The following TFB1M variants were observed in gnomAD, a reference collection of about 807,000 sequenced individuals.
The protein encoded by TFB1M is transcription factor B1, mitochondrial.
Under a neutral mutation model 31.1 loss-of-function variants are expected in TFB1M, and 27 were observed. That is an observed-to-expected ratio of 0.87 (90% confidence interval 0.64 to 1.20). TFB1M has a LOEUF of 1.20. Among genes scored for constraint, TFB1M ranks in the 50% most tolerant of loss-of-function variants. TFB1M has a pLI of 0.00. For synonymous variants in TFB1M, 166 were observed against 151.8 expected (o/e 1.09, Z -0.69); for missense variants, 394 against 418.7 (o/e 0.94, Z 0.51).
In TFB1M at chr6:155,267,254, C is replaced by T. The variant is rs141235668; in HGVS notation, c.667-6854G>A. Among the ~76,000 whole-genome samples, 1,192 of 152,264 alleles carry T rather than the reference C, an allele frequency of 7.8e-3. 16 individuals are homozygous for T. Among genetic ancestry groups the T allele is most frequent in the African/African-American group, 0.026 (1,093 of 41,552 alleles). On this transcript the variant is annotated intron_variant, in intron 5 of 6. Coordinates refer to ENST00000367166, the MANE Select transcript of TFB1M (RefSeq NM_016020.4). ...CCTCCCAAAGTGTTGGGATTATGGGCATGAGCCACCACACCTGGCCGTAGA... is the reference window on the plus strand; with the variant it reads ...CCTCCCAAAGTGTTGGGATTATGGGTATGAGCCACCACACCTGGCCGTAGA...
intron 5 of TFB1M, among the ~76,000 whole-genome samples, chr6:155,283,811 G>A (rs546403126): frequency 4.9e-4 from 74 of 152,170 alleles, no homozygotes; most frequent in Non-Finnish European, 8.8e-4. Context: ...ACATGTGCAT[G>A]ACAAGAAGAA....
intron 5 of TFB1M, among the ~76,000 whole-genome samples, chr6:155,273,307 G>A (rs1399837462): frequency 6.6e-6 from 1 of 152,108 alleles, no homozygotes; most frequent in African/African-American, 2.4e-5. Context: ...AAATCCTAGG[G>A]AAATCCTTTT....
Position 155,285,180 on chromosome 6 carries a change from T to C in TFB1M, c.644A>G (p.Gln215Arg). Residue 215 changes from glutamine to arginine, a missense_variant, in exon 5 of 7, where the codon CAA (glutamine) becomes CGA (arginine). By Grantham distance (43) the Gln-to-Arg change is conservative. Coordinates refer to ENST00000367166, the MANE Select transcript of TFB1M (RefSeq NM_016020.4). ...TACCTCTGGTTTGGGGACAAAAGCTTGTCCTGGAATCGTAAAGATGTGTCG... is the reference window on the plus strand; with the variant it reads ...TACCTCTGGTTTGGGGACAAAAGCTCGTCCTGGAATCGTAAAGATGTGTCG... The part of the protein sequence containing the change: ...NVRHIFTIPG[Q>R]AFVPKPEVDV... 6.2e-7 allele frequency: 1 copy of C among 1,614,030 alleles called. No individual in the cohort carries two copies. The highest frequency in any genetic ancestry group is 1.1e-5 in the South Asian group (1 of 91,080).
intron 3 of TFB1M, 64 bp from the exon 4 acceptor site, chr6:155,297,168 T>G: frequency 6.5e-7 from 1 of 1,540,194 alleles, no homozygotes; most frequent in Non-Finnish European, 8.9e-7. Flanking sequence ...ACAATTTCAG[T>G]GACGAGTAAA....
intron 4 of TFB1M, among the ~76,000 whole-genome samples, chr6:155,288,801 A>C (rs1280295322): frequency 1.3e-5 from 2 of 152,236 alleles, no homozygotes; most frequent in African/African-American, 4.8e-5. Flanking sequence ...AAGCTCTACA[A>C]AAGATTTCAT....
the TFB1M span, among the ~76,000 whole-genome samples, chr6:155,230,056 A>G: frequency 1.3e-5 from 2 of 151,614 alleles, no homozygotes; most frequent in African/African-American, 4.8e-5. Context: ...GCCAAACCAT[A>G]TCACCAGGTG....
intron 5 of TFB1M, chr6:155,276,413 G>T (rs775885979): frequency 1.3e-6 from 2 of 1,567,708 alleles, no homozygotes; most frequent in Admixed American, 3.7e-5. Context: ...TGGAACTTTT[G>T]GGTGCCAAAT....
At chr6:155,236,065 C>G in the TFB1M span, among the ~76,000 whole-genome samples, 1 of 152,156 alleles carries the variant, frequency 6.6e-6, no homozygotes, top group African/African-American at 2.4e-5. Flanking sequence ...GCTTGTGGTG[C>G]AAATCCCAGT....
At chr6:155,248,004 A>C in the TFB1M span, 1 of 1,613,790 alleles carries the variant, frequency 6.2e-7, no homozygotes, top group Admixed American at 1.7e-5. Context: ...TTGTAGCTAA[A>C]ACTGACAAAG....
rs887184124 is a variant in TFB1M at position 155,257,732 on chromosome 6, T to C, written c.*104A>G. 9 of 1,391,766 alleles carry C rather than the reference T, an allele frequency of 6.5e-6. No individual in the cohort carries two copies. The highest frequency in any genetic ancestry group is 8.0e-6 in the Non-Finnish European group (8 of 1,000,602). The allele number at this position is 1,391,766 out of a possible 1,614,324, so 86.2% of individuals were successfully genotyped here. Reference sequence around the variant, plus strand: ...AAGGAAAATAAGTCACATCTGGTCATTGGCATTTGTATCGTCATTCTGTAA... The same window carrying C: ...AAGGAAAATAAGTCACATCTGGTCACTGGCATTTGTATCGTCATTCTGTAA... On this transcript the variant is annotated 3_prime_UTR_variant, in exon 7 of 7. Transcript: ENST00000367166.
rs939246442 is a variant in TFB1M at position 155,257,746 on chromosome 6, G to A, written c.*90C>T. 31 of 1,502,800 alleles carry A rather than the reference G, an allele frequency of 2.1e-5. No individual in the cohort carries two copies. Among genetic ancestry groups the A allele is most frequent in the Non-Finnish European group, 2.6e-5 (29 of 1,097,156 alleles). 93.1% of individuals were successfully genotyped at this position (1,502,800 alleles called of 1,614,324 possible). ...ACATCTGGTCATTGGCATTTGTATC[G>A]TCATTCTGTAAAGACAAAAGAGTAC... is the stretch of plus-strand genomic sequence containing the variant. On this transcript the variant is annotated 3_prime_UTR_variant, in exon 7 of 7. Transcript: ENST00000367166.
intron 5 of TFB1M, among the ~76,000 whole-genome samples, chr6:155,281,686 C>T (rs1045907858): frequency 7.1e-6 from 1 of 140,854 alleles, no homozygotes; most frequent in African/African-American, 2.7e-5. Flanking sequence ...TGTGCCACTG[C>T]ACTCCAGCCT....
At chr6:155,247,646 T>C in the TFB1M span, among the ~76,000 whole-genome samples, 1 of 152,238 alleles carries the variant, frequency 6.6e-6, no homozygotes, top group Non-Finnish European at 1.5e-5. Flanking sequence ...TGGCTTTTAA[T>C]GAATTGTTTG....
In TFB1M at chr6:155,296,927, A is replaced by C. The variant is rs773897131; in HGVS notation, c.546+26T>G. 7.5e-6 allele frequency: 12 copies of C among 1,604,936 alleles called. No homozygotes were observed. In the South Asian group the frequency reaches 1.1e-4, roughly 15 times the overall value. On this transcript the variant is annotated intron_variant, in intron 4 of 6. Transcript: ENST00000367166. ...GCTTTGGAATTTGAACATGTGATAA[A>C]ATAGTCACAAAATGTTAAAACTTAC...
At chr6:155,259,419 A>G (rs1402162139) in intron 6 of TFB1M, among the ~76,000 whole-genome samples, 2 of 152,240 alleles carry the variant, frequency 1.3e-5, no homozygotes, top group Admixed American at 1.3e-4. Context: ...ATCCTCAGCA[A>G]TGGGCTTTGT....
At chr6:155,281,000 C>T (rs1483035448) in intron 5 of TFB1M, among the ~76,000 whole-genome samples, 14 of 152,192 alleles carry the variant, frequency 9.2e-5, no homozygotes, top group Admixed American at 9.2e-4. Context: ...TTGAAGGTAA[C>T]TTGTTCTATA....
chr6:155,259,239 G>A (rs1359063679), intron 6 of TFB1M, among the ~76,000 whole-genome samples: 1 of 152,250 alleles, frequency 6.6e-6, no homozygotes, highest in Non-Finnish European at 1.5e-5. Context: ...CACCAGCAGT[G>A]CACAGTAGCT....
chr6:155,283,458 A>G (rs1355600724), intron 5 of TFB1M, among the ~76,000 whole-genome samples: 1 of 152,262 alleles, frequency 6.6e-6, no homozygotes, highest in Non-Finnish European at 1.5e-5. Context: ...AATCAAAGAC[A>G]TAGCTAGCTT....
the TFB1M span, among the ~76,000 whole-genome samples, chr6:155,231,073 A>G: frequency 4.6e-5 from 7 of 151,782 alleles, no homozygotes; most frequent in African/African-American, 1.7e-4. Flanking sequence ...GACTCCTGAC[A>G]TCAAGTGATC....
Sources: gnomAD v4.1 joint callset for allele counts (sites outside exome capture counted in the v4.1 genomes callset) on GRCh38, gnomAD v4.1.1 for gene constraint, MANE v1.5 for transcripts, NCBI Gene and HGNC (gene_info 2026-07-23, HGNC 2026-07-21) for gene names.